The following DYM variants were observed in gnomAD, a reference collection of about 807,000 sequenced individuals.
DYM encodes dymeclin, also known as dyggve-Melchior-Clausen syndrome protein.
DYM carries 78 observed loss-of-function variants against 93.1 expected under a neutral mutation model. The ratio of observed to expected loss-of-function variants is 0.84; its 90% CI spans 0.70 to 1.01. DYM has a LOEUF of 1.01. DYM is among the 50% of genes least tolerant of loss of function. The probability of loss-of-function intolerance (pLI) is 0.00; values close to 1 mark genes in which losing one functional copy is unlikely to be tolerated. For synonymous variants in DYM, 321 were observed against 319.7 expected, an observed-to-expected ratio of 1.00 and a Z score of -0.04; for missense variants, 789 against 845.0, an observed-to-expected ratio of 0.93 and a Z score of 0.82.
chr18:49,160,385 T>G (rs1312092613), intron 15 of DYM, among the ~76,000 whole-genome samples: 2 of 152,204 alleles, frequency 1.3e-5, no homozygotes, highest in African/African-American at 4.8e-5. Flanking sequence ...CTCAACTGAT[T>G]TGTGAATTAT....
At chr18:49,196,509 G>C (rs542187080) in intron 14 of DYM, among the ~76,000 whole-genome samples, 2 of 152,104 alleles carry the variant, frequency 1.3e-5, no homozygotes, top group African/African-American at 4.8e-5. Flanking sequence ...CTTAGAGTGA[G>C]AGTGACAGCA....
At chr18:49,326,232 A>G (rs772053312) in intron 8 of DYM, among the ~76,000 whole-genome samples, 24 of 152,308 alleles carry the variant, frequency 1.6e-4, no homozygotes, top group Admixed American at 1.0e-3. Flanking sequence ...TTAAAACTGC[A>G]ACACCCTCTT....
intron 17 of DYM, among the ~76,000 whole-genome samples, chr18:49,071,848 C>T (rs541267790): frequency 5.9e-5 from 9 of 152,160 alleles, no homozygotes; most frequent in African/African-American, 1.4e-4. Context: ...CCATGTATAG[C>T]GTCTTGTCAT....
At chr18:49,321,633 C>T (rs909741290) in intron 8 of DYM, among the ~76,000 whole-genome samples, 4 of 152,190 alleles carry the variant, frequency 2.6e-5, no homozygotes, top group Middle Eastern at 3.4e-3. Context: ...AAATATAGTT[C>T]TTTTGCATCA....
At chr18:49,306,551 GTTAA>G (rs1260473245) in intron 8 of DYM, among the ~76,000 whole-genome samples, 1 of 152,140 alleles carries the variant, frequency 6.6e-6, no homozygotes, top group Admixed American at 6.5e-5. Flanking sequence ...ATTCAAGGAA[GTTAA>G]TTAAGTAATT....
intron 17 of DYM, among the ~76,000 whole-genome samples, chr18:49,092,766 C>CAGAAGGAGAAGGGTGGT (rs1465410378): frequency 2.6e-5 from 4 of 151,978 alleles, no homozygotes; most frequent in Non-Finnish European, 5.9e-5. Context: ...AATCTGGGGA[C>CAGAAGGAGAAGGGTGGT]AGAAGGAGAA....
chr18:49,434,830 G>A (rs2148506606), intron 1 of DYM, among the ~76,000 whole-genome samples: 1 of 152,016 alleles, frequency 6.6e-6, no homozygotes, highest in South Asian at 2.1e-4. Flanking sequence ...GCCAGGTGTG[G>A]TGGTGCATGG....
At chr18:49,209,461 A>G (rs528035142) in intron 14 of DYM, 90 bp downstream of exon 14, 77 of 864,016 alleles carry the variant, frequency 8.9e-5, no homozygotes, top group South Asian at 8.4e-4. Flanking sequence ...CTCTTTAATA[A>G]TTTAATTGAC....
chr18:49,444,308 A>G (rs1168249152), intron 1 of DYM, among the ~76,000 whole-genome samples: 2 of 152,230 alleles, frequency 1.3e-5, no homozygotes, highest in Non-Finnish European at 2.9e-5. Context: ...TAACAATGGC[A>G]GAGTTTTACT....
intron 2 of DYM, among the ~76,000 whole-genome samples, chr18:49,425,535 T>C (rs1354340554): frequency 2.6e-5 from 4 of 151,980 alleles, no homozygotes; most frequent in Non-Finnish European, 4.4e-5. Flanking sequence ...AAAGCCAAAA[T>C]TGACAAATGG....
intron 15 of DYM, among the ~76,000 whole-genome samples, chr18:49,152,317 T>G (rs2085908408): frequency 1.3e-5 from 2 of 152,188 alleles, no homozygotes; most frequent in African/African-American, 4.8e-5. Flanking sequence ...TTTGTTTTTG[T>G]TTTAAAAAAG....
chr18:49,097,053 T>C lies in DYM; in HGVS notation c.2025+349A>G, dbSNP rs80094740. ...ACCTGTGTGGCACTGAGTCACACTA[T>C]GGAAATATTAGCTACTCTTGTGATC... On this transcript the variant is annotated intron_variant, in intron 17 of 17. Coordinates refer to ENST00000675505, the MANE Select transcript of DYM (RefSeq NM_001353214.3). 11 of 377,988 alleles carry C rather than the reference T, an allele frequency of 2.9e-5. No homozygotes were observed. The East Asian group carries it at 4.4e-4, about 15-fold the overall frequency. The allele number at this position is 377,988 out of a possible 1,614,324, so 23.4% of individuals were successfully genotyped here.
At chr18:49,081,311 G>T (rs938996130) in intron 17 of DYM, among the ~76,000 whole-genome samples, 3 of 151,334 alleles carry the variant, frequency 2.0e-5, no homozygotes, top group African/African-American at 7.3e-5. Context: ...AGACCAGCCC[G>T]GCCAACACAG....
At chr18:49,289,715 ATATATATATGTG>A (rs1309657530) in intron 8 of DYM, among the ~76,000 whole-genome samples, 1 of 48,880 alleles carries the variant, frequency 2.0e-5, no homozygotes, top group Non-Finnish European at 4.5e-5. Context: ...TATCTCAAAT[ATATATATATGTG>A]TATATATATA....
At position 49,430,419 on chromosome 18, in the gene DYM, T is replaced by C. The variant is rs780516818; in HGVS notation, c.-25A>G. The C allele has an allele frequency of 1.9e-6, 3 of 1,612,012 alleles. No individual in the cohort carries two copies. Among genetic ancestry groups the C allele is most frequent in the East Asian group, 2.2e-5 (1 of 44,864 alleles). On this transcript the variant is annotated 5_prime_UTR_variant, in exon 2 of 18. Transcript: ENST00000675505. ...TCTTCTAGCTTAAGCAGATAATTTGTCCTTAAACCTGCATTTCCAAAAGAC... is the reference window on the plus strand; with the variant it reads ...TCTTCTAGCTTAAGCAGATAATTTGCCCTTAAACCTGCATTTCCAAAAGAC...
chr18:49,097,013 T>C (rs1361358886), intron 17 of DYM, among the ~76,000 whole-genome samples: 1 of 152,184 alleles, frequency 6.6e-6, no homozygotes, highest in East Asian at 1.9e-4. Flanking sequence ...ATGAGCTTGA[T>C]ATAACACATT....
intron 2 of DYM, among the ~76,000 whole-genome samples, chr18:49,400,329 T>C (rs2070669591): frequency 6.6e-6 from 1 of 152,282 alleles, no homozygotes; most frequent in African/African-American, 2.4e-5. Flanking sequence ...AGCTCCCCAC[T>C]GTGGTGAGCC....
chr18:49,149,702 GTTTTT>G (rs35259913), intron 15 of DYM, among the ~76,000 whole-genome samples: 6 of 76,854 alleles, frequency 7.8e-5, no homozygotes, highest in Non-Finnish European at 1.4e-4. Context: ...ATTACAAAGT[GTTTTT>G]TTTTTTTTTT....
At chr18:49,317,815 G>A (rs1479211738) in intron 8 of DYM, among the ~76,000 whole-genome samples, 1 of 151,566 alleles carries the variant, frequency 6.6e-6, no homozygotes, top group African/African-American at 2.4e-5. Flanking sequence ...TTCTAACAAA[G>A]GCTTGATGGC....
Sources: gnomAD v4.1 joint callset for allele counts (sites outside exome capture counted in the v4.1 genomes callset) on GRCh38, gnomAD v4.1.1 for gene constraint, MANE v1.5 for transcripts, NCBI Gene and HGNC (gene_info 2026-07-23, HGNC 2026-07-21) for gene names.